The following HAVCR1 variants were observed in gnomAD, a reference collection of about 807,000 sequenced individuals.
The protein encoded by HAVCR1 is T cell immunoglobin domain and mucin domain protein 1.
HAVCR1 carries 34 observed loss-of-function variants against 32.0 expected under a neutral mutation model. That is an observed-to-expected ratio of 1.06 (90% CI 0.81 to 1.42). The LOEUF (loss-of-function observed/expected upper bound fraction) is 1.42. Ranked by LOEUF, HAVCR1 falls within the 40% of genes most tolerant of loss-of-function variation. The pLI is 0.00. For synonymous variants in HAVCR1, 178 were observed against 170.3 expected, an observed-to-expected ratio of 1.05 and a Z score of -0.35; for missense variants, 420 against 442.3, an observed-to-expected ratio of 0.95 and a Z score of 0.45.
At chr5:157,053,932 G>A (rs999600426) in intron 3 of HAVCR1, among the ~76,000 whole-genome samples, 3 of 152,028 alleles carry the variant, frequency 2.0e-5, no homozygotes, top group Admixed American at 2.0e-4. Context: ...TGTAGGCCCA[G>A]CCCTTTGGGA....
upstream of HAVCR1, among the ~76,000 whole-genome samples, chr5:157,062,988 C>T (rs555690745): frequency 4.4e-4 from 66 of 151,662 alleles, no homozygotes; most frequent in Middle Eastern, 6.8e-3. Context: ...GGCGTGGTGG[C>T]GCGTGCCTGT....
chr5:157,052,600 CGAACAGTCGTGACGGTTG>C lies in HAVCR1; in HGVS notation c.416_433del (p.Pro139_Val144del). On this transcript the variant is annotated inframe_deletion, in exon 4 of 9. Transcript: ENST00000523175. ...TGTCGTTGGAACAGTGGTGCTCGTT[CGAACAGTCGTGACGGTTG>C]GAACAGTTGTGACAATTGGAGTAGT... The C allele has an allele frequency of 3.7e-6, 6 of 1,612,046 alleles. No individual in the cohort carries two copies. The highest frequency in any genetic ancestry group is 5.1e-6 in the Non-Finnish European group (6 of 1,178,612).
At chr5:157,067,388 T>C in the HAVCR1 span, among the ~76,000 whole-genome samples, 15 of 152,134 alleles carry the variant, frequency 9.9e-5, no homozygotes, top group Admixed American at 4.6e-4. Context: ...ACAAACCAAA[T>C]TGCTTATACT....
rs565117037 is a variant in HAVCR1 at position 157,046,553 on chromosome 5, T to A, written c.781+2485A>T. Among the ~76,000 whole-genome samples the A allele has an allele frequency of 4.6e-5, 7 of 152,302 alleles. No individual in the cohort carries two copies. The South Asian group carries it at 1.5e-3, about 32-fold the overall frequency. ...CATGCCTCTTTGATGTTGGTGTGGG[T>A]GTCCTCAACTCATCTGTCTTAGTCT... On this transcript the variant is annotated intron_variant, in intron 5 of 8. Transcript: ENST00000523175.
At chr5:157,060,131 T>C (rs1756445728), upstream of HAVCR1, among the ~76,000 whole-genome samples, 1 of 152,090 alleles carries the variant, frequency 6.6e-6, no homozygotes, top group African/African-American at 2.4e-5. Context: ...AAGCAACTAA[T>C]GAAATCAGGA....
upstream of HAVCR1, among the ~76,000 whole-genome samples, chr5:157,059,542 G>A (rs371024444): frequency 2.6e-5 from 4 of 152,108 alleles, no homozygotes; most frequent in African/African-American, 9.7e-5. Context: ...GGGGGTGGTG[G>A]CGGGCGCCTG....
chr5:157,047,964 G>A (rs1056253972), intron 5 of HAVCR1, among the ~76,000 whole-genome samples: 4 of 152,068 alleles, frequency 2.6e-5, no homozygotes, highest in Admixed American at 1.3e-4. Context: ...AGACACAGCC[G>A]GTGTCCACTG....
At chr5:157,031,794 C>CAAAAAAA (rs57821791) in intron 8 of HAVCR1, among the ~76,000 whole-genome samples, 3 of 106,540 alleles carry the variant, frequency 2.8e-5, no homozygotes, top group African/African-American at 7.5e-5. Context: ...CTGGGTGTCT[C>CAAAAAAA]AAAAAAAAAA....
At chr5:157,036,516 G>A (rs1754544990) in intron 7 of HAVCR1, among the ~76,000 whole-genome samples, 1 of 151,996 alleles carries the variant, frequency 6.6e-6, no homozygotes, top group Non-Finnish European at 1.5e-5. Context: ...TTTCCATAGG[G>A]GAATAATAAT....
chr5:157,039,563 G>A (rs1370262225), intron 6 of HAVCR1, among the ~76,000 whole-genome samples: 1 of 151,992 alleles, frequency 6.6e-6, no homozygotes, highest in Non-Finnish European at 1.5e-5. Flanking sequence ...TGGTCAGGCT[G>A]GTCTCAAACT....
chr5:157,051,345 C>A (rs1464994792), intron 4 of HAVCR1, among the ~76,000 whole-genome samples: 2 of 152,008 alleles, frequency 1.3e-5, no homozygotes, highest in Admixed American at 6.6e-5. Flanking sequence ...TCATTGACTA[C>A]CCTGAAAAGA....
chr5:157,052,243 A>C lies in HAVCR1; in HGVS notation c.673+118T>G, dbSNP rs983785668. 9 of 864,568 alleles carry C rather than the reference A, an allele frequency of 1.0e-5. No homozygotes were observed. In the African/African-American group the frequency reaches 1.3e-4, roughly 13 times the overall value. The allele number at this position is 864,568 out of a possible 1,614,324, so 53.6% of individuals were successfully genotyped here. A position where few individuals can be genotyped will look rare whatever the true frequency, so the allele number is the denominator to read the frequency against. ...GATCACAAACCCTGAGGAGACCCTG[A>C]TTGAAACCCAGGTAAGACCCCTCAC... On this transcript the variant is annotated intron_variant, in intron 4 of 8. Transcript: ENST00000523175.
rs767146605 is a variant in HAVCR1, at chr5:157,052,407, A to G, written c.627T>C (p.Ser209=). The G allele has an allele frequency of 5.0e-5, 81 of 1,612,914 alleles. No homozygotes were observed. The highest frequency in any genetic ancestry group is 2.2e-4 in the Admixed American group (13 of 59,896). ...TTSVPVTTTV[S]TFVPPMPLPR... ...GCAAAGGCATTGGAGGAACAAAGGT[A>G]GAGACAGTTGTTGTCACTGGAACAC... is the stretch of plus-strand genomic sequence containing the variant. Residue 209 remains serine (S), a synonymous_variant, in exon 4 of 9, where the codon TCT becomes TCC. Coordinates refer to ENST00000523175, the MANE Select transcript of HAVCR1 (RefSeq NM_001173393.3).
At chr5:157,036,917 G>C (rs72805150) in intron 7 of HAVCR1, among the ~76,000 whole-genome samples, 1 of 141,214 alleles carries the variant, frequency 7.1e-6, no homozygotes, top group South Asian at 2.3e-4. Context: ...TAAGAAATGG[G>C]GTCCCACCAT....
intron 6 of HAVCR1, 28 bp downstream of exon 6, chr5:157,042,599 C>A: frequency 1.4e-6 from 2 of 1,426,174 alleles, no homozygotes; most frequent in Non-Finnish European, 2.0e-6. Flanking sequence ...GTGAATCTGG[C>A]TAATCAAATA....
intron 6 of HAVCR1, among the ~76,000 whole-genome samples, chr5:157,038,303 GGC>G (rs1334966529): frequency 4.6e-5 from 7 of 152,164 alleles, no homozygotes; most frequent in African/African-American, 1.7e-4. Context: ...AAATGTGCCT[GGC>G]TTCCTGCTGG....
chr5:157,059,722 G>A (rs531693689), upstream of HAVCR1, among the ~76,000 whole-genome samples: 50 of 152,266 alleles, frequency 3.3e-4, 1 homozygote, highest in Non-Finnish European at 5.9e-4. Flanking sequence ...AGTGGCTCAC[G>A]CCTGTAATCC....
intron 7 of HAVCR1, among the ~76,000 whole-genome samples, chr5:157,036,078 C>T (rs1269836829): frequency 6.6e-6 from 1 of 152,330 alleles, no homozygotes; most frequent in South Asian, 2.1e-4. Context: ...CATTGTGGCT[C>T]ATGCCTGTAA....
At chr5:157,059,932 T>C (rs116445967), upstream of HAVCR1, among the ~76,000 whole-genome samples, 3 of 152,114 alleles carry the variant, frequency 2.0e-5, no homozygotes, top group Non-Finnish European at 4.4e-5. Context: ...GAGGCTATGA[T>C]TGTGCCACTG....
Sources: gnomAD v4.1 joint callset for allele counts (sites outside exome capture counted in the v4.1 genomes callset) on GRCh38, gnomAD v4.1.1 for gene constraint, MANE v1.5 for transcripts, NCBI Gene and HGNC (gene_info 2026-07-23, HGNC 2026-07-21) for gene names.